The following ST18 variants were observed in gnomAD, a reference collection of about 807,000 sequenced individuals.
The protein encoded by ST18 is suppression of tumorigenicity 18 protein.
A neutral mutation model predicts 110.0 loss-of-function variants in ST18; 50 were observed. That is an observed-to-expected ratio of 0.45 (90% CI 0.36 to 0.58). The LOEUF (loss-of-function observed/expected upper bound fraction) is 0.58. Ranked by LOEUF, ST18 falls within the 20% of genes least tolerant of loss-of-function variation. The pLI is 0.00. For synonymous variants in ST18, 461 were observed against 452.4 expected (o/e 1.02, Z -0.24); for missense variants, 1,306 against 1,280.1 (o/e 1.02, Z -0.31).
chr8:52,225,927 G>A (rs764052833), intron 3 of ST18, among the ~76,000 whole-genome samples: 23 of 152,180 alleles, frequency 1.5e-4, no homozygotes, highest in Non-Finnish European at 2.8e-4. Context: ...AATGACAGAA[G>A]ATTGAAACTG....
intron 15 of ST18, among the ~76,000 whole-genome samples, chr8:52,150,574 G>A (rs1331170054): frequency 1.3e-5 from 2 of 152,112 alleles, no homozygotes; most frequent in East Asian, 1.9e-4. Context: ...AAATTGTGGC[G>A]GGCAGGGAGA....
chr8:52,218,351 G>A (rs1172623990), intron 5 of ST18, among the ~76,000 whole-genome samples: 2 of 151,168 alleles, frequency 1.3e-5, no homozygotes, highest in African/African-American at 4.9e-5. Flanking sequence ...TGTCTAGTTA[G>A]ATAGATATAT....
At chr8:52,119,177 G>A (rs2043698208) in intron 23 of ST18, among the ~76,000 whole-genome samples, 1 of 152,148 alleles carries the variant, frequency 6.6e-6, no homozygotes, top group Non-Finnish European at 1.5e-5. Context: ...AAATAGGCAT[G>A]TTATCTACAC....
chr8:52,365,018 G>A (rs1455105944), intron 2 of ST18, among the ~76,000 whole-genome samples: 3 of 152,024 alleles, frequency 2.0e-5, no homozygotes, highest in Admixed American at 6.5e-5. Context: ...GGAGGCAGAG[G>A]CAGGATAATC....
chr8:52,299,240 C>G (rs1240794389), intron 2 of ST18, among the ~76,000 whole-genome samples: 2 of 152,104 alleles, frequency 1.3e-5, no homozygotes, highest in Admixed American at 1.3e-4. Flanking sequence ...CTTAGCTACT[C>G]TTTCATAGTT....
At chr8:52,236,611 C>CAAAA (rs754799390) in intron 2 of ST18, among the ~76,000 whole-genome samples, 4 of 88,912 alleles carry the variant, frequency 4.5e-5, no homozygotes, top group Non-Finnish European at 4.9e-5. Context: ...AATTCCACCT[C>CAAAA]AAAAAAAAAA....
chr8:52,353,774 G>T (rs368943367), intron 2 of ST18, among the ~76,000 whole-genome samples: 1 of 152,154 alleles, frequency 6.6e-6, no homozygotes, highest in Non-Finnish European at 1.5e-5. Context: ...CATGGTGCCC[G>T]ACCAAAAGGA....
At chr8:52,362,751 G>A (rs890546779) in intron 2 of ST18, among the ~76,000 whole-genome samples, 4 of 152,160 alleles carry the variant, frequency 2.6e-5, no homozygotes, top group African/African-American at 9.7e-5. Flanking sequence ...GTATTTGGTA[G>A]ATTTCTCCAG....
intron 5 of ST18, among the ~76,000 whole-genome samples, chr8:52,219,804 G>A: frequency 6.6e-6 from 1 of 152,190 alleles, no homozygotes; most frequent in Non-Finnish European, 1.5e-5. Context: ...CCTGAGACCT[G>A]AAACAAGCTT....
At chr8:52,166,240 G>T (rs528451973) in intron 11 of ST18, among the ~76,000 whole-genome samples, 2 of 152,258 alleles carry the variant, frequency 1.3e-5, no homozygotes, top group Admixed American at 1.3e-4. Context: ...GCTAACTCTG[G>T]AGGGACTGCC....
At chr8:52,325,922 C>T (rs1806131940) in intron 2 of ST18, among the ~76,000 whole-genome samples, 1 of 152,192 alleles carries the variant, frequency 6.6e-6, no homozygotes, top group Non-Finnish European at 1.5e-5. Flanking sequence ...GTTCATTTCT[C>T]CCAAGTGTTC....
chr8:52,312,662 C>T (rs2095941935), intron 2 of ST18, among the ~76,000 whole-genome samples: 1 of 152,034 alleles, frequency 6.6e-6, no homozygotes, highest in East Asian at 1.9e-4. Flanking sequence ...CTATCCCAAT[C>T]AGAAAAAAAA....
chr8:52,339,872 G>A lies in ST18; in HGVS notation c.-465+69456C>T, dbSNP rs367686653. ...CCTTTAATTGCTCTTCTCTTCCCAC[G>A]CCTATTAAGTTTTCTCACCCTTTGA... On this transcript the variant is annotated intron_variant, in intron 2 of 25. Transcript: ENST00000689386. Among the ~76,000 whole-genome samples, 22 of 152,152 alleles carry A rather than the reference G, an allele frequency of 1.4e-4. No homozygotes were observed. In the East Asian group the frequency reaches 1.5e-3, roughly 11 times the overall value.
chr8:52,263,903 A>C lies in ST18; in HGVS notation c.-464-33826T>G, dbSNP rs574391812. ...AACCTCTGCCTCTTGGATTCAAGCT[A>C]TTCTCCTGCCTCAGCCTCCTGAGTA... On this transcript the variant is annotated intron_variant, in intron 2 of 25. Coordinates refer to ENST00000689386, the MANE Select transcript of ST18 (RefSeq NM_001352837.2). Among the ~76,000 whole-genome samples the C allele has an allele frequency of 6.9e-5, 10 of 144,170 alleles. No individual in the cohort carries two copies. The South Asian group carries it at 1.7e-3, about 24-fold the overall frequency. The allele number at this position is 144,170 out of a possible 152,430, so 94.6% of individuals were successfully genotyped here.
intron 8 of ST18, among the ~76,000 whole-genome samples, chr8:52,196,685 C>G (rs976698640): frequency 2.0e-5 from 3 of 152,072 alleles, no homozygotes; most frequent in Non-Finnish European, 4.4e-5. Context: ...TATGTGCCTA[C>G]GTTATAAATT....
chr8:52,365,594 A>C (rs972612613), intron 2 of ST18, among the ~76,000 whole-genome samples: 2 of 146,164 alleles, frequency 1.4e-5, no homozygotes, highest in African/African-American at 5.1e-5. Context: ...AAAAAAAAAA[A>C]CTTACGTTAT....
At chr8:52,188,047 C>G (rs2073055451) in intron 8 of ST18, among the ~76,000 whole-genome samples, 1 of 151,952 alleles carries the variant, frequency 6.6e-6, no homozygotes, top group Admixed American at 6.6e-5. Context: ...GTAATAAGTG[C>G]TAAATAAACA....
chr8:52,350,053 C>T (rs1187485986), intron 2 of ST18, among the ~76,000 whole-genome samples: 1 of 152,158 alleles, frequency 6.6e-6, no homozygotes, highest in African/African-American at 2.4e-5. Context: ...CATCACAGAA[C>T]CCGGCCTGAA....
intron 2 of ST18, among the ~76,000 whole-genome samples, chr8:52,357,002 C>A (rs1823031075): frequency 6.6e-6 from 1 of 152,078 alleles, no homozygotes; most frequent in Non-Finnish European, 1.5e-5. Context: ...ATAATCTGTA[C>A]AACAAACCCC....
Sources: allele counts gnomAD v4.1 joint callset (sites outside exome capture counted in the v4.1 genomes callset), GRCh38; gene constraint gnomAD v4.1.1; transcripts MANE v1.5; gene names NCBI Gene and HGNC (gene_info 2026-07-23, HGNC 2026-07-21).